FAM120B: variants seen among roughly 807,000 people sequenced by gnomAD.
The protein encoded by FAM120B is constitutive coactivator of peroxisome proliferator-activated receptor gamma.
FAM120B carries 83 observed loss-of-function variants against 96.3 expected under a neutral mutation model. The ratio of observed to expected loss-of-function variants is 0.86; its 90% CI spans 0.72 to 1.03. FAM120B has a LOEUF of 1.03. Ranked by LOEUF, FAM120B falls within the 50% of genes least tolerant of loss-of-function variation. FAM120B has a pLI of 0.00. For missense variants in FAM120B, 1,027 were observed against 1,121.2 expected, an observed-to-expected ratio of 0.92 and a Z score of 1.20; for synonymous variants, 407 against 402.7, an observed-to-expected ratio of 1.01 and a Z score of -0.13.
chr6:170,342,303 A>G (rs1337540265), intron 4 of FAM120B, among the ~76,000 whole-genome samples: 2 of 152,224 alleles, frequency 1.3e-5, no homozygotes, highest in Admixed American at 6.5e-5. Context: ...GATATATGCA[A>G]GTTAATTCTA....
chr6:170,383,268 A>G (rs2115295370), intron 6 of FAM120B, among the ~76,000 whole-genome samples: 1 of 152,316 alleles, frequency 6.6e-6, no homozygotes, highest in Non-Finnish European at 1.5e-5. Context: ...CTTCATACCA[A>G]AAGCATAATC....
intron 1 of FAM120B, among the ~76,000 whole-genome samples, chr6:170,313,010 C>G (rs1306846009): frequency 6.6e-6 from 1 of 152,164 alleles, no homozygotes; most frequent in Non-Finnish European, 1.5e-5. Context: ...GAGGAGGGCT[C>G]AAGGCCCTAG....
chr6:170,392,582 C>T (rs1790533658), intron 8 of FAM120B, among the ~76,000 whole-genome samples: 1 of 152,122 alleles, frequency 6.6e-6, no homozygotes, highest in Non-Finnish European at 1.5e-5. Flanking sequence ...CTTTCATGCC[C>T]TCCTTCAGTT....
Position 170,395,502 on chromosome 6 carries a change from AGGGCTCCAGCTACCACAGGAC to A in FAM120B, c.2622_2642del (p.Ser875_Ser881del). On this transcript the variant is annotated inframe_deletion, in exon 9 of 11. Transcript: ENST00000476287. ...GTTCCCACAGGGAGGTGGGGAAGAC[AGGGCTCCAGCTACCACAGGAC>A]GGGCTCTGGGTATAGCCGTTCCAGT... The A allele has an allele frequency of 6.3e-7, 1 of 1,595,912 alleles. No homozygotes were observed. The highest frequency in any genetic ancestry group is 8.5e-7 in the Non-Finnish European group (1 of 1,171,268).
chr6:170,366,431 G>A (rs1303550020), intron 6 of FAM120B, among the ~76,000 whole-genome samples: 1 of 152,230 alleles, frequency 6.6e-6, no homozygotes, highest in Non-Finnish European at 1.5e-5. Context: ...AGTGGGGAGG[G>A]GCAGGCAGCT....
At chr6:170,394,126 C>G (rs1790606020) in intron 8 of FAM120B, among the ~76,000 whole-genome samples, 1 of 152,162 alleles carries the variant, frequency 6.6e-6, no homozygotes, top group African/African-American at 2.4e-5. Context: ...AGCTCAGAGA[C>G]AAGGGCAGCA....
chr6:170,305,835 C>A (rs199824127), upstream of FAM120B, among the ~76,000 whole-genome samples: 2 of 152,168 alleles, frequency 1.3e-5, no homozygotes, highest in African/African-American at 4.8e-5. Context: ...GATCTCCTAG[C>A]CCAAGGGAGC....
chr6:170,358,261 T>C lies in FAM120B; in HGVS notation c.2226T>C (p.Phe742=). Residue 742 remains phenylalanine, a synonymous_variant, in exon 6 of 11, where the codon TTT becomes TTC. Transcript: ENST00000476287. ...TTTGCCTGGAGGATTTGCATGCGTT[T>C]ATTGCGCAGGCCTTGTGCCTCCAAG... ...DTLCLEDLHA[F]IAQALCLQGK... is the part of the protein sequence containing the mutation. 1 of 1,607,008 alleles carries C rather than the reference T, an allele frequency of 6.2e-7. No individual in the cohort carries two copies. Among genetic ancestry groups the C allele is most frequent in the Non-Finnish European group, 8.5e-7 (1 of 1,175,308 alleles).
chr6:170,387,587 G>A (rs146840426), intron 6 of FAM120B, among the ~76,000 whole-genome samples: 19 of 152,258 alleles, frequency 1.2e-4, no homozygotes, highest in South Asian at 6.2e-4. Context: ...TAGCTTCCCC[G>A]TTTGAGAACA....
intron 9 of FAM120B, among the ~76,000 whole-genome samples, chr6:170,398,041 AGAG>A (rs1385882277): frequency 2.0e-5 from 3 of 152,090 alleles, no homozygotes; most frequent in Admixed American, 2.0e-4. Flanking sequence ...GGGATAGTCA[AGAG>A]AGTCCACAGT....
chr6:170,387,174 C>T (rs1790232671), intron 6 of FAM120B, among the ~76,000 whole-genome samples: 1 of 152,078 alleles, frequency 6.6e-6, no homozygotes, highest in Admixed American at 6.6e-5. Flanking sequence ...AAAAGTGTCG[C>T]ACAGCACTAT....
chr6:170,382,045 G>T (rs1789933928), intron 6 of FAM120B, among the ~76,000 whole-genome samples: 1 of 152,054 alleles, frequency 6.6e-6, no homozygotes, highest in Non-Finnish European at 1.5e-5. Flanking sequence ...AAAGCATGCA[G>T]ACAAAAAGAA....
At position 170,357,994 on chromosome 6, in the gene FAM120B, CTG is replaced by C. The variant is rs140273460; in HGVS notation, c.2191-224_2191-223del. Among the ~76,000 whole-genome samples the C allele has an allele frequency of 4.1e-3, 619 of 151,576 alleles. 14 individuals are homozygous for C. In the East Asian group the frequency reaches 0.054, roughly 13 times the overall value. On this transcript the variant is annotated intron_variant, in intron 5 of 10. Coordinates refer to ENST00000476287, the MANE Select transcript of FAM120B (RefSeq NM_032448.3). The stretch of plus-strand genomic sequence containing the variant: ...CCTGTGCGTGTGCCTGTGTGTACAC[CTG>C]TGTGTGTACATGTGTGCCCATGTGT...
Position 170,395,572 on chromosome 6 carries a change from G to GGGA in FAM120B, c.2686_2688dup (p.Gly896dup). 1.9e-6 allele frequency: 3 copies of GGGA among 1,591,394 alleles called. No individual in the cohort carries two copies. Among genetic ancestry groups the GGGA allele is most frequent in the Non-Finnish European group, 2.6e-6 (3 of 1,168,838 alleles). ...GTCAGGGACAGCCGTGGAGAGACCA[G>GGGA]GGACCAGGTAAGAAGGCCAGTGGTC... On this transcript the variant is annotated inframe_insertion, in exon 9 of 11. Coordinates refer to ENST00000476287, the MANE Select transcript of FAM120B (RefSeq NM_032448.3).
chr6:170,338,895 C>T (rs1348414716), intron 4 of FAM120B, among the ~76,000 whole-genome samples: 1 of 147,076 alleles, frequency 6.8e-6, no homozygotes, highest in South Asian at 2.1e-4. Context: ...TCCGCCATCC[C>T]TTTATTTTAA....
At chr6:170,302,011 C>T (rs1323738646), upstream of FAM120B, among the ~76,000 whole-genome samples, 1 of 152,222 alleles carries the variant, frequency 6.6e-6, no homozygotes, top group East Asian at 1.9e-4. Context: ...AAAGTCACTT[C>T]CACATTTTTG....
At chr6:170,387,233 A>G in intron 6 of FAM120B, among the ~76,000 whole-genome samples, 1 of 152,246 alleles carries the variant, frequency 6.6e-6, no homozygotes, top group East Asian at 1.9e-4. Context: ...GATTAAACCT[A>G]GATTAACTCT....
intron 5 of FAM120B, among the ~76,000 whole-genome samples, chr6:170,354,312 A>T (rs1283434118): frequency 2.0e-5 from 3 of 152,240 alleles, no homozygotes; most frequent in Non-Finnish European, 4.4e-5. Context: ...CAAAAATATA[A>T]AAACCCTAGA....
intron 5 of FAM120B, among the ~76,000 whole-genome samples, chr6:170,355,533 A>G (rs1358038141): frequency 6.6e-6 from 1 of 152,080 alleles, no homozygotes; most frequent in Non-Finnish European, 1.5e-5. Context: ...ACAGGGTCAC[A>G]TAGCAGGGAA....
Sources: allele counts gnomAD v4.1 joint callset (sites outside exome capture counted in the v4.1 genomes callset), GRCh38; gene constraint gnomAD v4.1.1; transcripts MANE v1.5; gene names NCBI Gene and HGNC (gene_info 2026-07-23, HGNC 2026-07-21).